Variants in BACE2 observed in about 807,000 individuals in gnomAD.
The protein encoded by BACE2 is beta-secretase 2, also known as 56 kDa aspartic-like protease.
A neutral mutation model predicts 46.2 loss-of-function variants in BACE2; 17 were observed. That is an observed-to-expected ratio of 0.37 (90% CI 0.25 to 0.55). The LOEUF is 0.55. Among genes scored for constraint, BACE2 ranks in the 20% least tolerant of loss-of-function variants. The pLI is 0.82. For synonymous variants in BACE2, 277 were observed against 295.9 expected, an observed-to-expected ratio of 0.94 and a Z score of 0.66; for missense variants, 595 against 698.1, an observed-to-expected ratio of 0.85 and a Z score of 1.66.
At position 41,229,221 on chromosome 21, in the gene BACE2, G is replaced by A. The variant is rs550391338; in HGVS notation, c.401+2867G>A. On this transcript the variant is annotated intron_variant, in intron 2 of 8. Transcript: ENST00000330333. Reference sequence around the variant, plus strand: ...CTAGTCTGTACGACACGTTTTCCACGTTTCCCCCTCACTGGGGCTCAGCAC... The same window carrying A: ...CTAGTCTGTACGACACGTTTTCCACATTTCCCCCTCACTGGGGCTCAGCAC... 3.9e-5 allele frequency among the ~76,000 whole-genome samples: 6 copies of A among 152,284 alleles called. No individual in the cohort carries two copies. The South Asian group carries it at 6.2e-4, about 16-fold the overall frequency.
Position 41,278,019 on chromosome 21 carries a change from C to A in BACE2, c.*2395C>A, listed in dbSNP as rs1425507519. 1 of 152,226 alleles carries A rather than the reference C, an allele frequency of 6.6e-6. No individual in the cohort carries two copies. Among genetic ancestry groups the A allele is most frequent in the Non-Finnish European group, 1.5e-5 (1 of 68,044 alleles). The allele number at this position is 152,226 out of a possible 1,614,324, so 9.4% of individuals were successfully genotyped here. ...GTCAAAACCCTGTTAGTGACACCCA[C>A]CTCCTCCAGTTATGCAAATTGATGC... On this transcript the variant is annotated 3_prime_UTR_variant, in exon 9 of 9. Coordinates refer to ENST00000330333, the MANE Select transcript of BACE2 (RefSeq NM_012105.5).
chr21:41,222,001 G>C (rs189388150), intron 1 of BACE2, among the ~76,000 whole-genome samples: 1 of 152,266 alleles, frequency 6.6e-6, no homozygotes, highest in Non-Finnish European at 1.5e-5. Flanking sequence ...GCATGATTGC[G>C]CACGGGGCCC....
chr21:41,257,854 G>A (rs1048706684), intron 8 of BACE2, among the ~76,000 whole-genome samples: 1 of 152,208 alleles, frequency 6.6e-6, no homozygotes, highest in African/African-American at 2.4e-5. Context: ...TGGAGGGTTG[G>A]CAGGTCTTCA....
At chr21:41,228,317 T>A (rs780734713) in intron 2 of BACE2, among the ~76,000 whole-genome samples, 1 of 152,154 alleles carries the variant, frequency 6.6e-6, no homozygotes, top group Admixed American at 6.5e-5. Flanking sequence ...GTACACCCAG[T>A]GTAGACTGAT....
intron 3 of BACE2, among the ~76,000 whole-genome samples, chr21:41,239,676 C>T (rs1987232974): frequency 2.0e-5 from 3 of 152,200 alleles, no homozygotes; most frequent in African/African-American, 7.2e-5. Context: ...CGTGCCTGGC[C>T]TTATTCCCCC....
chr21:41,252,280 C>T (rs1473561817), intron 7 of BACE2, among the ~76,000 whole-genome samples: 1 of 152,156 alleles, frequency 6.6e-6, no homozygotes, highest in Non-Finnish European at 1.5e-5. Flanking sequence ...GGCCACTGAC[C>T]CTCAAGGCCT....
At chr21:41,213,312 G>A (rs1372009578) in intron 1 of BACE2, among the ~76,000 whole-genome samples, 2 of 152,202 alleles carry the variant, frequency 1.3e-5, no homozygotes, top group Non-Finnish European at 2.9e-5. Context: ...AGCTGCAGCT[G>A]GGAGGCCTTC....
At chr21:41,229,206 C>T (rs536454354) in intron 2 of BACE2, among the ~76,000 whole-genome samples, 18 of 152,216 alleles carry the variant, frequency 1.2e-4, no homozygotes, top group Non-Finnish European at 2.2e-4. Context: ...CTAGTCTGTA[C>T]GACACGTTTT....
chr21:41,168,517 A>G lies in BACE2; in HGVS notation c.254A>G (p.Gln85Arg). 1 of 1,351,190 alleles carries G rather than the reference A, an allele frequency of 7.4e-7. No individual in the cohort carries two copies. The allele number at this position is 1,351,190 out of a possible 1,614,324, so 83.7% of individuals were successfully genotyped here. ...ANFLAMVDNL[Q>R]GDSGRGYYLE... ...TTCTTGGCCATGGTAGACAACCTGCAGGGGGACTCTGGCCGCGGCTACTAC... is the reference window on the plus strand; with the variant it reads ...TTCTTGGCCATGGTAGACAACCTGCGGGGGGACTCTGGCCGCGGCTACTAC... The change falls in exon 1 of 9, where the codon CAG becomes CGG. Residue 85 changes from glutamine (Q) to arginine (R), a missense_variant. Gln to Arg is a conservative substitution (Grantham distance 43). This residue lies in a region of BACE2 where 248 missense variants were observed against 261.4 expected (regional missense o/e 0.95). Transcript: ENST00000330333.
chr21:41,199,113 C>T (rs1392949276), intron 1 of BACE2, among the ~76,000 whole-genome samples: 2 of 146,376 alleles, frequency 1.4e-5, no homozygotes, highest in African/African-American at 5.1e-5. Flanking sequence ...TGAGTGAGAA[C>T]GTGCGGTGTT....
chr21:41,253,848 T>A (rs900307232), intron 7 of BACE2, among the ~76,000 whole-genome samples: 30 of 152,338 alleles, frequency 2.0e-4, no homozygotes, highest in South Asian at 4.1e-4. Context: ...TCAGATTTTT[T>A]ATTTTTAAAA....
At chr21:41,260,289 ATG>A (rs1211273641) in intron 8 of BACE2, among the ~76,000 whole-genome samples, 1 of 151,476 alleles carries the variant, frequency 6.6e-6, no homozygotes, top group East Asian at 1.9e-4. Context: ...GGACTATAGC[ATG>A]TGTCACCATG....
intron 1 of BACE2, chr21:41,182,320 T>C (rs1985161546): frequency 6.0e-6 from 1 of 167,084 alleles, no homozygotes; most frequent in Admixed American, 6.5e-5. Context: ...TTAACAGCAG[T>C]GGGGGTACTT....
intron 8 of BACE2, among the ~76,000 whole-genome samples, chr21:41,263,481 C>G (rs975857221): frequency 1.3e-5 from 2 of 152,236 alleles, no homozygotes; most frequent in Non-Finnish European, 2.9e-5. Context: ...ACTTGCCATT[C>G]AGTGGAACAC....
Position 41,278,397 on chromosome 21 carries a change from C to T in BACE2, c.*2773C>T, listed in dbSNP as rs930076123. ...AAGTGATTGGTGTCCGATCTCCCAG[C>T]ATATACTGTACACTATTTTGTATTT... On this transcript the variant is annotated 3_prime_UTR_variant, in exon 9 of 9. Coordinates refer to ENST00000330333, the MANE Select transcript of BACE2 (RefSeq NM_012105.5). 5.3e-5 allele frequency: 8 copies of T among 152,234 alleles called. No individual in the cohort carries two copies. Among genetic ancestry groups the T allele is most frequent in the Non-Finnish European group, 1.2e-4 (8 of 68,038 alleles). The allele number at this position is 152,234 out of a possible 1,614,324, so 9.4% of individuals were successfully genotyped here.
intron 1 of BACE2, among the ~76,000 whole-genome samples, chr21:41,170,136 G>C (rs1984551821): frequency 6.6e-6 from 1 of 151,724 alleles, no homozygotes; most frequent in Non-Finnish European, 1.5e-5. Context: ...GATAAAAGAA[G>C]CCCTGAAACC....
intron 8 of BACE2, among the ~76,000 whole-genome samples, chr21:41,263,836 C>G (rs965501816): frequency 3.3e-5 from 5 of 152,098 alleles, no homozygotes; most frequent in African/African-American, 1.2e-4. Flanking sequence ...GGGTATTTTC[C>G]CATCGTGCTA....
At chr21:41,191,410 A>G (rs1025786507) in intron 1 of BACE2, among the ~76,000 whole-genome samples, 1 of 152,228 alleles carries the variant, frequency 6.6e-6, no homozygotes, top group African/African-American at 2.4e-5. Context: ...TGGATAATGT[A>G]TTCCGTGAAC....
At chr21:41,224,110 C>T (rs1440006218) in intron 1 of BACE2, among the ~76,000 whole-genome samples, 1 of 151,906 alleles carries the variant, frequency 6.6e-6, no homozygotes, top group East Asian at 1.9e-4. Flanking sequence ...GATGGGTCAG[C>T]TCAGAGACAA....
Sources: gnomAD v4.1 joint callset for allele counts (sites outside exome capture counted in the v4.1 genomes callset) on GRCh38, gnomAD v4.1.1 for gene constraint, gnomAD v4.1.1 regional missense constraint, MANE v1.5 for transcripts, NCBI Gene and HGNC (gene_info 2026-07-23, HGNC 2026-07-21) for gene names.